DLC1: variants seen among roughly 807,000 people sequenced by gnomAD.
The protein encoded by DLC1 is rho GTPase-activating protein 7.
DLC1 carries 54 observed loss-of-function variants against 140.3 expected under a neutral mutation model. That is an observed-to-expected ratio of 0.38 (90% CI 0.31 to 0.48). The LOEUF (loss-of-function observed/expected upper bound fraction) is 0.48, where lower values mean the gene tolerates loss of function less well. DLC1 is among the 20% of genes least tolerant of loss of function. The probability of loss-of-function intolerance (pLI) is 0.96; values close to 1 mark genes in which losing one functional copy is unlikely to be tolerated. For synonymous variants in DLC1, 986 were observed against 728.1 expected, an observed-to-expected ratio of 1.35 and a Z score of -5.70; for missense variants, 2,536 against 1,907.0, an observed-to-expected ratio of 1.33 and a Z score of -6.14.
chr8:13,398,187 G>T (rs1319142120), intron 3 of DLC1, among the ~76,000 whole-genome samples: 1 of 151,930 alleles, frequency 6.6e-6, no homozygotes. Flanking sequence ...AATCAAGAAA[G>T]AAATTAAGAC....
chr8:13,590,552 A>G (rs1352477530), intron 1 of DLC1, among the ~76,000 whole-genome samples: 2 of 152,038 alleles, frequency 1.3e-5, no homozygotes, highest in Non-Finnish European at 2.9e-5. Flanking sequence ...CCCTCATAAT[A>G]TGCTTGGCCA....
At chr8:13,091,920 T>C (rs1818110487) in intron 13 of DLC1, among the ~76,000 whole-genome samples, 2 of 152,142 alleles carry the variant, frequency 1.3e-5, no homozygotes, top group Admixed American at 6.5e-5. Context: ...CTGTATCCCA[T>C]TGCAGTTGGA....
chr8:13,472,415 T>G (rs1050521432), intron 2 of DLC1, among the ~76,000 whole-genome samples: 1 of 152,224 alleles, frequency 6.6e-6, no homozygotes, highest in African/African-American at 2.4e-5. Flanking sequence ...AATGTTTAGT[T>G]TTCTATAACT....
At chr8:13,294,636 C>A (rs574360099) in intron 5 of DLC1, among the ~76,000 whole-genome samples, 2 of 152,030 alleles carry the variant, frequency 1.3e-5, no homozygotes, top group Non-Finnish European at 2.9e-5. Context: ...GAGGAAGGTG[C>A]GTGCTAGAAG....
intron 7 of DLC1, among the ~76,000 whole-genome samples, chr8:13,110,152 C>T (rs944909466): frequency 6.6e-6 from 1 of 150,654 alleles, no homozygotes; most frequent in South Asian, 2.1e-4. Context: ...ATTACTTCCA[C>T]CTCACTAAAA....
rs963924374 is a variant in DLC1, at chr8:13,304,675, T to A, written c.1348+594A>T. 6.6e-5 allele frequency: 63 copies of A among 950,010 alleles called. 1 individual carries two copies. The highest frequency in any genetic ancestry group is 7.5e-5 in the Non-Finnish European group (60 of 798,006). The allele number at this position is 950,010 out of a possible 1,614,324, so 58.8% of individuals were successfully genotyped here. A position where few individuals can be genotyped will look rare whatever the true frequency, so the allele number is the denominator to read the frequency against. ...ACACAGAACACATAAGATAGTATGA[T>A]TTTTTAAAAACACATAGATCTACCA... is the stretch of plus-strand genomic sequence containing the variant. On this transcript the variant is annotated intron_variant, in intron 5 of 17. Transcript: ENST00000276297.
At chr8:13,328,168 A>G (rs989257547) in intron 4 of DLC1, among the ~76,000 whole-genome samples, 4 of 152,176 alleles carry the variant, frequency 2.6e-5, no homozygotes, top group African/African-American at 4.8e-5. Flanking sequence ...GGTTTTAAGT[A>G]GATAAATGAT....
At chr8:13,394,618 A>G (rs1363845949) in intron 3 of DLC1, among the ~76,000 whole-genome samples, 1 of 152,154 alleles carries the variant, frequency 6.6e-6, no homozygotes, top group Non-Finnish European at 1.5e-5. Context: ...TTAATCTGAG[A>G]AAACTATGAT....
intron 1 of DLC1, among the ~76,000 whole-genome samples, chr8:13,533,504 A>G (rs1324040404): frequency 1.3e-5 from 2 of 152,144 alleles, no homozygotes; most frequent in African/African-American, 4.8e-5. Context: ...TGTAATTTTC[A>G]TTTACATTAA....
At chr8:13,395,033 T>TG (rs1836964454) in intron 3 of DLC1, among the ~76,000 whole-genome samples, 3 of 80,592 alleles carry the variant, frequency 3.7e-5, no homozygotes, top group African/African-American at 2.1e-4. Context: ...TATCTATCTA[T>TG]CATCTATCTA....
rs1357071275 is a variant in DLC1 at position 13,502,075 on chromosome 8, A to G, written c.-125-1879T>C. ...TTCTGGTTTCATTTCTTTTACTAAG[A>G]AGAAATATAGTTTTATTAACTTTTT... On this transcript the variant is annotated intron_variant, in intron 1 of 17. Coordinates refer to ENST00000276297, the MANE Select transcript of DLC1 (RefSeq NM_182643.3). Among the ~76,000 whole-genome samples, 9 of 152,372 alleles carry G rather than the reference A, an allele frequency of 5.9e-5. No homozygotes were observed. In the East Asian group the frequency reaches 1.7e-3, roughly 29 times the overall value.
At chr8:13,396,907 T>G (rs536710085) in intron 3 of DLC1, among the ~76,000 whole-genome samples, 1 of 152,154 alleles carries the variant, frequency 6.6e-6, no homozygotes, top group Non-Finnish European at 1.5e-5. Flanking sequence ...TGGGTACTCA[T>G]TACAACTGCC....
At chr8:13,122,664 A>G (rs1379569623) in intron 5 of DLC1, among the ~76,000 whole-genome samples, 1 of 152,156 alleles carries the variant, frequency 6.6e-6, no homozygotes, top group Non-Finnish European at 1.5e-5. Flanking sequence ...TAAGGTTAAG[A>G]CAGACAGCAG....
chr8:13,261,656 G>T (rs56062822), intron 5 of DLC1, among the ~76,000 whole-genome samples: 2,182 of 152,154 alleles, frequency 0.014, 47 homozygotes, highest in African/African-American at 0.049. Flanking sequence ...GGTGCCAAGT[G>T]GTCAGCGTCT....
intron 2 of DLC1, among the ~76,000 whole-genome samples, chr8:13,451,714 C>A (rs113769976): frequency 1.7e-3 from 255 of 152,266 alleles, no homozygotes; most frequent in African/African-American, 5.8e-3. Context: ...TTTTAAATGG[C>A]TGAATAGTAC....
intron 1 of DLC1, among the ~76,000 whole-genome samples, chr8:13,594,130 C>T (rs762632427): frequency 1.5e-4 from 23 of 151,956 alleles, no homozygotes; most frequent in Non-Finnish European, 2.8e-4. Context: ...AACTGCACTC[C>T]AGCCTGGGCA....
chr8:13,346,014 G>A (rs1248208232), intron 4 of DLC1, among the ~76,000 whole-genome samples: 3 of 152,160 alleles, frequency 2.0e-5, no homozygotes, highest in South Asian at 2.1e-4. Flanking sequence ...GCTACTTTGT[G>A]ATTTGTAAGT....
rs147862509 is a variant in DLC1, at chr8:13,293,982, C to T, written c.1348+11287G>A. Among the ~76,000 whole-genome samples the T allele has an allele frequency of 2.7e-3, 416 of 152,206 alleles. 8 individuals are homozygous for T. The highest frequency in any genetic ancestry group is 0.022 in the Admixed American group (344 of 15,290). On this transcript the variant is annotated intron_variant, in intron 5 of 17. Coordinates refer to ENST00000276297, the MANE Select transcript of DLC1 (RefSeq NM_182643.3). ...ATGTTGTGAAAAATTATAATTTTATCGAACACTCAGGATATACCTAGTTCT... is the reference window on the plus strand; with the variant it reads ...ATGTTGTGAAAAATTATAATTTTATTGAACACTCAGGATATACCTAGTTCT...
chr8:13,227,639 T>TACG (rs1466343515), intron 5 of DLC1, among the ~76,000 whole-genome samples: 1 of 152,228 alleles, frequency 6.6e-6, no homozygotes, highest in Admixed American at 6.5e-5. Flanking sequence ...ACTAATTTAC[T>TACG]GTGTGACCGT....
Sources: gnomAD v4.1 joint callset for allele counts (sites outside exome capture counted in the v4.1 genomes callset) on GRCh38, gnomAD v4.1.1 for gene constraint, MANE v1.5 for transcripts, NCBI Gene and HGNC (gene_info 2026-07-23, HGNC 2026-07-21) for gene names.